Variants in TRMT11 observed in about 807,000 individuals in gnomAD.
The protein encoded by TRMT11 is tRNA methyltransferase 11, also known as tRNA (guanine(10)-N(2))-methyltransferase TRMT11.
A neutral mutation model predicts 62.8 loss-of-function variants in TRMT11; 53 were observed. That is an observed-to-expected ratio of 0.84 (90% CI 0.68 to 1.06). The LOEUF (loss-of-function observed/expected upper bound fraction) is 1.06. Among genes scored for constraint, TRMT11 ranks in the 50% least tolerant of loss-of-function variants. TRMT11 has a pLI of 0.00. For synonymous variants in TRMT11, 188 were observed against 190.3 expected (o/e 0.99, Z 0.10); for missense variants, 556 against 553.4 (o/e 1.00, Z -0.05).
chr6:126,046,063 G>A lies in TRMT11; in HGVS notation c.*1369+5218G>A, dbSNP rs147811843. ...TTGAGTTTACCGTTCTGATGAAGGC[G>A]ACCTACTGAAGAATGAGAAACTGAC... is the stretch of plus-strand genomic sequence containing the variant. On this transcript the variant is annotated intron_variant and NMD_transcript_variant, in intron 16 of 22. Transcript: ENST00000648977. Among the ~76,000 whole-genome samples, 184 of 152,120 alleles carry A rather than the reference G, an allele frequency of 1.2e-3. 2 individuals carry two copies. The highest frequency in any genetic ancestry group is 6.6e-4 in the Non-Finnish European group (45 of 67,998).
chr6:126,094,625 T>C (rs940563057), intron 17 of TRMT11, among the ~76,000 whole-genome samples: 1 of 152,192 alleles, frequency 6.6e-6, no homozygotes, highest in Non-Finnish European at 1.5e-5. Flanking sequence ...TTGGCGGGCA[T>C]AGAGAATGCC....
chr6:126,080,165 G>A (rs1294218764), intron 17 of TRMT11, among the ~76,000 whole-genome samples: 1 of 152,042 alleles, frequency 6.6e-6, no homozygotes, highest in African/African-American at 2.4e-5. Flanking sequence ...GCAGTGGCGT[G>A]ATCATAGCTC....
the TRMT11 span, among the ~76,000 whole-genome samples, chr6:126,259,782 A>G: frequency 2.0e-5 from 3 of 152,188 alleles, no homozygotes; most frequent in Non-Finnish European, 2.9e-5. Context: ...TATAATTGTT[A>G]TATCATCTTG....
intron 1 of TRMT11, among the ~76,000 whole-genome samples, chr6:126,197,484 T>G (rs747850379): frequency 6.6e-6 from 1 of 152,346 alleles, no homozygotes; most frequent in East Asian, 1.9e-4. Context: ...TAAATATCCT[T>G]GATCATTACA....
the TRMT11 span, among the ~76,000 whole-genome samples, chr6:126,249,148 T>C: frequency 6.6e-6 from 1 of 152,110 alleles, no homozygotes; most frequent in Non-Finnish European, 1.5e-5. Flanking sequence ...AGTTATGCAG[T>C]TGGTCTAGAA....
downstream of TRMT11, among the ~76,000 whole-genome samples, chr6:126,206,069 G>C (rs1479018201): frequency 6.6e-6 from 1 of 152,088 alleles, no homozygotes; most frequent in African/African-American, 2.4e-5. Context: ...AATGGCCACT[G>C]TTTTTCTTTT....
the TRMT11 span, among the ~76,000 whole-genome samples, chr6:126,232,843 TG>T: frequency 6.6e-6 from 1 of 152,216 alleles, no homozygotes. Context: ...ATCCCTTTCT[TG>T]GAAAGTTTCT....
At chr6:126,097,392 T>C (rs187734594) in intron 17 of TRMT11, among the ~76,000 whole-genome samples, 52 of 152,286 alleles carry the variant, frequency 3.4e-4, no homozygotes, top group South Asian at 6.2e-4. Flanking sequence ...GTAATTATTT[T>C]AAATAATACT....
chr6:126,096,223 C>T (rs141750639), intron 17 of TRMT11, among the ~76,000 whole-genome samples: 1 of 152,250 alleles, frequency 6.6e-6, no homozygotes, highest in Non-Finnish European at 1.5e-5. Context: ...CATAGAATTC[C>T]TGGTGCATTG....
At chr6:126,247,210 G>A in the TRMT11 span, among the ~76,000 whole-genome samples, 26 of 152,300 alleles carry the variant, frequency 1.7e-4, no homozygotes, top group Non-Finnish European at 3.2e-4. Flanking sequence ...GCCTTGTGGG[G>A]AATAGGACTG....
chr6:126,188,243 C>G (rs146747283), intron 1 of TRMT11, among the ~76,000 whole-genome samples: 25 of 151,920 alleles, frequency 1.6e-4, no homozygotes, highest in African/African-American at 4.6e-4. Flanking sequence ...TTATATTTGA[C>G]AAGATTCACA....
chr6:126,171,115 C>T (rs772828542), intron 21 of TRMT11, among the ~76,000 whole-genome samples: 16 of 152,080 alleles, frequency 1.1e-4, no homozygotes, highest in Admixed American at 2.0e-4. Context: ...AGAGGAACTT[C>T]GAAGTATTTG....
chr6:126,264,745 C>T, the TRMT11 span, among the ~76,000 whole-genome samples: 4 of 152,194 alleles, frequency 2.6e-5, no homozygotes, highest in Non-Finnish European at 4.4e-5. Context: ...CTCTGCAACA[C>T]TGGATCTTCT....
chr6:126,101,372 T>G (rs1299580551), intron 17 of TRMT11, among the ~76,000 whole-genome samples: 1 of 152,248 alleles, frequency 6.6e-6, no homozygotes, highest in African/African-American at 2.4e-5. Context: ...GTAATACTAT[T>G]CTATATTTTA....
chr6:126,226,560 T>C, the TRMT11 span, among the ~76,000 whole-genome samples: 7 of 152,298 alleles, frequency 4.6e-5, no homozygotes, highest in South Asian at 4.1e-4. Flanking sequence ...GATTATCATA[T>C]GGTGTTTGTT....
intron 17 of TRMT11, among the ~76,000 whole-genome samples, chr6:126,077,240 T>C (rs1777048498): frequency 6.6e-6 from 1 of 152,216 alleles, no homozygotes; most frequent in African/African-American, 2.4e-5. Flanking sequence ...TTATTTAGTG[T>C]TCTAAATCAG....
chr6:126,215,771 A>C, the TRMT11 span, among the ~76,000 whole-genome samples: 1 of 151,816 alleles, frequency 6.6e-6, no homozygotes, highest in Non-Finnish European at 1.5e-5. Context: ...TGAGGTTATC[A>C]TGAGGCTTGG....
intron 21 of TRMT11, among the ~76,000 whole-genome samples, chr6:126,172,189 T>G (rs985762344): frequency 6.6e-6 from 1 of 152,158 alleles, no homozygotes; most frequent in African/African-American, 2.4e-5. Flanking sequence ...TCCCCTCAGT[T>G]TTCATGTCCT....
At chr6:126,069,117 C>T (rs996603437) in intron 17 of TRMT11, among the ~76,000 whole-genome samples, 1 of 152,258 alleles carries the variant, frequency 6.6e-6, no homozygotes, top group South Asian at 2.1e-4. Context: ...ACAGAAGATG[C>T]TCAGTAAATA....
Sources: gnomAD v4.1 joint callset for allele counts (sites outside exome capture counted in the v4.1 genomes callset) on GRCh38, gnomAD v4.1.1 for gene constraint, MANE v1.5 for transcripts, NCBI Gene and HGNC (gene_info 2026-07-23, HGNC 2026-07-21) for gene names.